The following UBASH3B variants were observed in gnomAD, a reference collection of about 807,000 sequenced individuals.
UBASH3B encodes ubiquitin associated and SH3 domain containing B, also known as ubiquitin-associated and SH3 domain-containing protein B.
In UBASH3B, 37 loss-of-function variants were observed where a neutral mutation model predicts 83.4. The ratio of observed to expected loss-of-function variants is 0.44; its 90% confidence interval spans 0.34 to 0.58. The LOEUF (loss-of-function observed/expected upper bound fraction) is 0.58. Among genes scored for constraint, UBASH3B ranks in the 20% least tolerant of loss-of-function variants. The pLI, the probability that UBASH3B is intolerant of heterozygous loss-of-function variation, is 0.01. For missense variants in UBASH3B, 657 were observed against 827.2 expected (o/e 0.79, Z 2.52); for synonymous variants, 304 against 318.3 (o/e 0.96, Z 0.48).
At chr11:122,740,273 A>G (rs1861003294) in intron 1 of UBASH3B, among the ~76,000 whole-genome samples, 1 of 152,238 alleles carries the variant, frequency 6.6e-6, no homozygotes, top group Non-Finnish European at 1.5e-5. Context: ...GGAGGTCACA[A>G]GAAACTTTCA....
chr11:122,743,208 C>G (rs2135961607), intron 1 of UBASH3B, among the ~76,000 whole-genome samples: 1 of 152,040 alleles, frequency 6.6e-6, no homozygotes, highest in Middle Eastern at 3.4e-3. Context: ...GAACAAGTGA[C>G]TTAATCTCTC....
rs74442544 is a variant in UBASH3B at position 122,808,638 on chromosome 11, A to G, written c.1812+462A>G. Among the ~76,000 whole-genome samples, 161 of 152,334 alleles carry G rather than the reference A, an allele frequency of 1.1e-3. 1 individual carries two copies. The highest frequency in any genetic ancestry group is 9.1e-3 in the South Asian group (44 of 4,824). ...AACAAGACAGCAAGACAGAAAACCC[A>G]TGAGGCTGACCCACACATCTGGAGT... On this transcript the variant is annotated intron_variant, in intron 13 of 13. Coordinates refer to ENST00000284273, the MANE Select transcript of UBASH3B (RefSeq NM_032873.5).
chr11:122,729,166 T>C (rs1388594567), intron 1 of UBASH3B, among the ~76,000 whole-genome samples: 1 of 152,186 alleles, frequency 6.6e-6, no homozygotes, highest in Non-Finnish European at 1.5e-5. Context: ...ACAGTGGCTC[T>C]CTGACTAGGA....
intron 1 of UBASH3B, chr11:122,774,353 T>C (rs78738723): frequency 0.05 from 47,776 of 955,296 alleles, 1,905 homozygotes; most frequent in African/African-American, 0.2. Context: ...CAGACTTTCA[T>C]AGGGGAAGGG....
rs916803414 is a variant in UBASH3B at position 122,655,979 on chromosome 11, G to A, written c.-71G>A. On this transcript the variant is annotated 5_prime_UTR_variant, in exon 1 of 14. Coordinates refer to ENST00000284273, the MANE Select transcript of UBASH3B (RefSeq NM_032873.5). ...TCCCCGAGCCCCCTCCCCTGGCCCA[G>A]CCCGACTCCCTCCTCCTTCCCGAAC... 15 of 1,226,144 alleles carry A rather than the reference G, an allele frequency of 1.2e-5. No individual in the cohort carries two copies. The African/African-American group carries it at 1.6e-4, about 13-fold the overall frequency. The allele number at this position is 1,226,144 out of a possible 1,614,324, so 76.0% of individuals were successfully genotyped here. A position where few individuals can be genotyped will look rare whatever the true frequency, so the allele number is the denominator to read the frequency against.
intron 1 of UBASH3B, among the ~76,000 whole-genome samples, chr11:122,710,868 G>C (rs1199202521): frequency 6.6e-6 from 1 of 152,100 alleles, no homozygotes; most frequent in Non-Finnish European, 1.5e-5. Flanking sequence ...AGGGTGGTGG[G>C]GGTGGAGATG....
chr11:122,724,791 AG>A (rs1591787414), intron 1 of UBASH3B, among the ~76,000 whole-genome samples: 1 of 152,088 alleles, frequency 6.6e-6, no homozygotes, highest in African/African-American at 2.4e-5. Flanking sequence ...CTGCATGAAA[AG>A]GAAGTGGGAG....
At chr11:122,783,342 G>A (rs983899172) in intron 5 of UBASH3B, 120 bp downstream of exon 5, 7 of 1,212,952 alleles carry the variant, frequency 5.8e-6, no homozygotes, top group Non-Finnish European at 6.8e-6. Flanking sequence ...ACCTAACAGA[G>A]AGTCCGTTGG....
intron 4 of UBASH3B, among the ~76,000 whole-genome samples, chr11:122,781,694 T>C (rs1312039630): frequency 6.6e-6 from 1 of 152,260 alleles, no homozygotes; most frequent in Admixed American, 6.5e-5. Context: ...GTCTTTGCCC[T>C]GGAACTTGGT....
At chr11:122,777,234 T>A (rs990371989) in intron 3 of UBASH3B, 24 bp downstream of exon 3, 1 of 1,590,608 alleles carries the variant, frequency 6.3e-7, no homozygotes, top group African/African-American at 1.3e-5. Context: ...CCCCCACCCC[T>A]GGGAAGCCTG....
rs1861488584 is a variant in UBASH3B, at chr11:122,813,620, A to C, written c.*3734A>C. 1 of 152,218 alleles carries C rather than the reference A, an allele frequency of 6.6e-6. No homozygotes were observed. The highest frequency in any genetic ancestry group is 1.5e-5 in the Non-Finnish European group (1 of 68,030). 9.4% of individuals were successfully genotyped at this position (152,218 alleles called of 1,614,324 possible). On this transcript the variant is annotated 3_prime_UTR_variant, in exon 14 of 14. Transcript: ENST00000284273. ...ATCCAGCACACGTGTGAGAAAGAAG[A>C]GGCACTAGTCTAAAAGGCTGCATTG...
intron 13 of UBASH3B, among the ~76,000 whole-genome samples, chr11:122,809,317 C>T (rs1489818627): frequency 2.0e-5 from 3 of 152,318 alleles, no homozygotes; most frequent in African/African-American, 7.2e-5. Flanking sequence ...TCAAGTGACC[C>T]GCCCGCCTCG....
In UBASH3B at chr11:122,661,869, A is replaced by C. The variant is rs527806487; in HGVS notation, c.161+5659A>C. ...ACGAGGTCCTGGTTCCAAAAAAAAA[A>C]AAAACAAAAAAAAAAATACCTTGAT... is the stretch of plus-strand genomic sequence containing the variant. On this transcript the variant is annotated intron_variant, in intron 1 of 13. Transcript: ENST00000284273. 3.2e-4 allele frequency among the ~76,000 whole-genome samples: 48 copies of C among 151,156 alleles called. No homozygotes were observed. In the South Asian group the frequency reaches 7.5e-3, roughly 24 times the overall value.
intron 1 of UBASH3B, among the ~76,000 whole-genome samples, chr11:122,730,965 C>G (rs1269200499): frequency 6.6e-6 from 1 of 152,214 alleles, no homozygotes; most frequent in Non-Finnish European, 1.5e-5. Context: ...ACAGTGGAAC[C>G]TTCACTACTT....
intron 1 of UBASH3B, among the ~76,000 whole-genome samples, chr11:122,712,896 G>GTTTTTTTTTTTTTT (rs386375116): frequency 6.2e-5 from 4 of 64,526 alleles, no homozygotes; most frequent in Non-Finnish European, 1.1e-4. Flanking sequence ...TCTCTGGGTG[G>GTTTTTTTTTTTTTT]TTTTTTTTTT....
chr11:122,700,150 C>G (rs1426401225), intron 1 of UBASH3B, among the ~76,000 whole-genome samples: 1 of 152,150 alleles, frequency 6.6e-6, no homozygotes, highest in South Asian at 2.1e-4. Context: ...ATCATTCCCC[C>G]GGGAGCAGCA....
rs192580248 is a variant in UBASH3B, at chr11:122,698,484, A to T, written c.161+42274A>T. ...GGCTTTGGAACTATAGAAAATTAGG[A>T]TGGTATAAGGCTAAAGAAGAGCAAG... On this transcript the variant is annotated intron_variant, in intron 1 of 13. Coordinates refer to ENST00000284273, the MANE Select transcript of UBASH3B (RefSeq NM_032873.5). 5.3e-5 allele frequency among the ~76,000 whole-genome samples: 8 copies of T among 152,296 alleles called. No homozygotes were observed. In the East Asian group the frequency reaches 1.5e-3, roughly 29 times the overall value.
chr11:122,725,690 C>A (rs1860726603), intron 1 of UBASH3B, among the ~76,000 whole-genome samples: 1 of 152,006 alleles, frequency 6.6e-6, no homozygotes. Flanking sequence ...TTTTTCTTTT[C>A]TATTTTTATT....
chr11:122,737,572 C>T (rs1204173035), intron 1 of UBASH3B, among the ~76,000 whole-genome samples: 17 of 150,664 alleles, frequency 1.1e-4, no homozygotes, highest in Admixed American at 9.3e-4. Flanking sequence ...TACATAAACT[C>T]CTGAATTCTC....
Sources: allele counts gnomAD v4.1 joint callset (sites outside exome capture counted in the v4.1 genomes callset), GRCh38; gene constraint gnomAD v4.1.1; transcripts MANE v1.5; gene names NCBI Gene and HGNC (gene_info 2026-07-23, HGNC 2026-07-21).